The following LIPA variants were observed in gnomAD, a reference collection of about 807,000 sequenced individuals.
The protein encoded by LIPA is lipase A, lysosomal acid type.
In LIPA, 26 loss-of-function variants were observed where a neutral mutation model predicts 40.6. The observed-to-expected ratio is 0.64, with a 90% CI of 0.47 to 0.89. The LOEUF (loss-of-function observed/expected upper bound fraction) is 0.89. Ranked by LOEUF, LIPA falls within the 40% of genes least tolerant of loss-of-function variation. The probability of loss-of-function intolerance (pLI) is 0.00; values close to 1 mark genes in which losing one functional copy is unlikely to be tolerated. For synonymous variants in LIPA, 188 were observed against 168.4 expected, an observed-to-expected ratio of 1.12 and a Z score of -0.90; for missense variants, 455 against 479.6, an observed-to-expected ratio of 0.95 and a Z score of 0.48.
At chr10:89,291,646 G>T (rs1478224206) in intron 1 of LIPA, among the ~76,000 whole-genome samples, 1 of 152,128 alleles carries the variant, frequency 6.6e-6, no homozygotes, top group South Asian at 2.1e-4. Flanking sequence ...ACCATGAGCT[G>T]AGTGCAATGA....
At chr10:89,361,948 G>T (rs1276385123) in intron 2 of LIPA, among the ~76,000 whole-genome samples, 1 of 138,748 alleles carries the variant, frequency 7.2e-6, no homozygotes, top group Non-Finnish European at 1.5e-5. Flanking sequence ...ACCCTGGCTG[G>T]AGGGCAGTGG....
upstream of LIPA, among the ~76,000 whole-genome samples, chr10:89,255,298 TG>T (rs1340437764): frequency 6.6e-6 from 1 of 152,222 alleles, no homozygotes; most frequent in Non-Finnish European, 1.5e-5. Context: ...ACGTCTTACA[TG>T]GCAGCAGACA....
intron 1 of LIPA, among the ~76,000 whole-genome samples, chr10:89,264,719 TC>T (rs1471528568): frequency 6.6e-6 from 1 of 152,196 alleles, no homozygotes; most frequent in African/African-American, 2.4e-5. Flanking sequence ...TGCTGATTGG[TC>T]CATGGGCGGC....
chr10:89,247,402 A>ATT, intron 2 of LIPA, 136 bp downstream of exon 2: 1 of 571,230 alleles, frequency 1.8e-6, no homozygotes, highest in South Asian at 2.0e-5. Flanking sequence ...AAAAAAAAAA[A>ATT]AAAAAAAAAT....
In LIPA at chr10:89,274,830, C is replaced by A. The variant is rs192894406; in HGVS notation, c.-1-27181G>T. 8.7e-4 allele frequency among the ~76,000 whole-genome samples: 132 copies of A among 152,304 alleles called. 1 individual carries two copies. Among genetic ancestry groups the A allele is most frequent in the Non-Finnish European group, 1.8e-3 (122 of 68,036 alleles). ...TTGGAGTTTTCTTCCTCCTATAACA[C>A]ACAAAGATGCAGAATGAATTAATTT... is the stretch of plus-strand genomic sequence containing the variant. On this transcript the variant is annotated intron_variant, in intron 1 of 5. Coordinates refer to the LIPA transcript ENST00000282673.
chr10:89,325,809 A>G (rs1179295533), intron 1 of LIPA, among the ~76,000 whole-genome samples: 1 of 152,166 alleles, frequency 6.6e-6, no homozygotes, highest in Non-Finnish European at 1.5e-5. Flanking sequence ...GCCTCATGAC[A>G]TGCAATTTAC....
chr10:89,282,151 T>C (rs1050528845), intron 1 of LIPA, among the ~76,000 whole-genome samples: 1 of 152,204 alleles, frequency 6.6e-6, no homozygotes, highest in Admixed American at 6.5e-5. Context: ...TTCCAGGATA[T>C]GGATTCATGA....
chr10:89,302,191 A>T, intron 1 of LIPA: 1 of 1,574,544 alleles, frequency 6.4e-7, no homozygotes, highest in South Asian at 1.1e-5. Flanking sequence ...GCAAATCCTG[A>T]GAAGCTATGT....
chr10:89,221,553 C>G (rs983342070), intron 8 of LIPA, among the ~76,000 whole-genome samples: 4 of 152,134 alleles, frequency 2.6e-5, no homozygotes, highest in African/African-American at 9.7e-5. Context: ...CTGATGCAAG[C>G]AGTGACTGCC....
chr10:89,226,541 T>C (rs1842772388), intron 5 of LIPA, among the ~76,000 whole-genome samples: 1 of 152,254 alleles, frequency 6.6e-6, no homozygotes, highest in Non-Finnish European at 1.5e-5. Context: ...GTACCTGTAG[T>C]TAGTTATATT....
chr10:89,397,856 CTTTG>C (rs1192918901), intron 2 of LIPA, among the ~76,000 whole-genome samples: 1 of 152,130 alleles, frequency 6.6e-6, no homozygotes, highest in Non-Finnish European at 1.5e-5. Context: ...TTTCTATTTA[CTTTG>C]TTTGGAGTAC....
At position 89,328,193 on chromosome 10, in the gene LIPA, T is replaced by C. The variant is rs1262662945; in HGVS notation, c.-2+14418A>G. ...TCCTGATGTTTATAGATTCAATATGTCTTTATCAGTCTGAGCATTTGTAAG... is the reference window on the plus strand; with the variant it reads ...TCCTGATGTTTATAGATTCAATATGCCTTTATCAGTCTGAGCATTTGTAAG... On this transcript the variant is annotated intron_variant, in intron 1 of 5. Coordinates refer to the LIPA transcript ENST00000282673. The C allele has an allele frequency of 3.9e-6, 4 of 1,029,518 alleles. No individual in the cohort carries two copies. In the African/African-American group the frequency reaches 4.8e-5, roughly 12 times the overall value. The allele number at this position is 1,029,518 out of a possible 1,614,324, so 63.8% of individuals were successfully genotyped here. A position where few individuals can be genotyped will look rare whatever the true frequency, so the allele number is the denominator to read the frequency against.
At chr10:89,231,440 C>G (rs2133441620) in intron 3 of LIPA, among the ~76,000 whole-genome samples, 1 of 151,842 alleles carries the variant, frequency 6.6e-6, no homozygotes, top group South Asian at 2.1e-4. Context: ...GTTAAAATAG[C>G]AGGACCCCAG....
chr10:89,309,542 G>C (rs912212245), intron 1 of LIPA, among the ~76,000 whole-genome samples: 1 of 152,184 alleles, frequency 6.6e-6, no homozygotes, highest in Non-Finnish European at 1.5e-5. Context: ...CACGTATTCT[G>C]AGTGGAAGGT....
At chr10:89,376,819 T>C (rs914293090) in intron 2 of LIPA, among the ~76,000 whole-genome samples, 1 of 152,160 alleles carries the variant, frequency 6.6e-6, no homozygotes, top group Non-Finnish European at 1.5e-5. Flanking sequence ...CCTGACAGCC[T>C]CCCATCCCAT....
At chr10:89,360,672 G>A (rs757767890) in intron 2 of LIPA, among the ~76,000 whole-genome samples, 8 of 152,210 alleles carry the variant, frequency 5.3e-5, no homozygotes, top group Non-Finnish European at 4.4e-5. Context: ...AGCCAGGCAT[G>A]AGCCACTGCA....
chr10:89,223,135 C>T (rs1345520841), intron 7 of LIPA, among the ~76,000 whole-genome samples: 2 of 151,990 alleles, frequency 1.3e-5, no homozygotes, highest in Admixed American at 6.6e-5. Context: ...TGTAAATGGC[C>T]GTTCCAAATT....
At chr10:89,338,529 T>G in intron 1 of LIPA, 1 of 820,536 alleles carries the variant, frequency 1.2e-6, no homozygotes, top group Non-Finnish European at 1.9e-6. Flanking sequence ...CTCACATACA[T>G]ACCCAGAAAT....
At position 89,358,093 on chromosome 10, in the gene LIPA, A is replaced by G. The variant is rs12771090; in HGVS notation, c.61+54698T>C. Among the ~76,000 whole-genome samples, 633 of 152,312 alleles carry G rather than the reference A, an allele frequency of 4.2e-3. 1 individual carries two copies. Among genetic ancestry groups the G allele is most frequent in the Non-Finnish European group, 7.2e-3 (493 of 68,018 alleles). ...ATCTTCCACCATTTAAATACCTGTAACTGCCTGCTGCGAAGAGGTCTGCAG... is the reference window on the plus strand; with the variant it reads ...ATCTTCCACCATTTAAATACCTGTAGCTGCCTGCTGCGAAGAGGTCTGCAG... On this transcript the variant is annotated intron_variant, in intron 2 of 8. Coordinates refer to the LIPA transcript ENST00000371837.
Sources: allele counts gnomAD v4.1 joint callset (sites outside exome capture counted in the v4.1 genomes callset), GRCh38; gene constraint gnomAD v4.1.1; transcripts MANE v1.5; gene names NCBI Gene and HGNC (gene_info 2026-07-23, HGNC 2026-07-21).